Variants in SNX29 observed in about 807,000 individuals in gnomAD.
The protein encoded by SNX29 is sorting nexin 29, also known as sorting nexin-29.
In SNX29, 78 loss-of-function variants were observed where a neutral mutation model predicts 102.1. That is an observed-to-expected ratio of 0.76 (90% CI 0.64 to 0.92). The LOEUF (loss-of-function observed/expected upper bound fraction) is 0.92, where lower values mean the gene tolerates loss of function less well. Among genes scored for constraint, SNX29 ranks in the 40% least tolerant of loss-of-function variants. The probability of loss-of-function intolerance (pLI) is 0.00; values close to 1 mark genes in which losing one functional copy is unlikely to be tolerated. For synonymous variants in SNX29, 580 were observed against 414.5 expected (o/e 1.40, Z -4.85); for missense variants, 1,280 against 1,061.7 (o/e 1.21, Z -2.86).
intron 14 of SNX29, among the ~76,000 whole-genome samples, chr16:12,234,992 C>A (rs1297287112): frequency 6.6e-6 from 1 of 152,070 alleles, no homozygotes. Context: ...GTACTTTTCT[C>A]CCTCATTCCT....
intron 15 of SNX29, among the ~76,000 whole-genome samples, chr16:12,310,312 C>T (rs1406302322): frequency 6.6e-6 from 1 of 152,180 alleles, no homozygotes; most frequent in Non-Finnish European, 1.5e-5. Flanking sequence ...TCTCATTCCC[C>T]TCCTAGGTTT....
At chr16:12,126,403 G>A (rs940682121) in intron 11 of SNX29, among the ~76,000 whole-genome samples, 2 of 152,234 alleles carry the variant, frequency 1.3e-5, no homozygotes, top group African/African-American at 2.4e-5. Context: ...TAACTTGCCC[G>A]AGCTGCAGAG....
At chr16:12,071,139 A>G (rs912491647) in intron 10 of SNX29, among the ~76,000 whole-genome samples, 1 of 151,276 alleles carries the variant, frequency 6.6e-6, no homozygotes, top group Non-Finnish European at 1.5e-5. Context: ...CTCTGATGGT[A>G]GTTTCTTTTG....
chr16:12,398,853 C>G (rs951123257), intron 17 of SNX29, among the ~76,000 whole-genome samples: 3 of 144,754 alleles, frequency 2.1e-5, no homozygotes, highest in African/African-American at 8.0e-5. Flanking sequence ...CCCCTTTGCA[C>G]AGGGGCATGT....
At chr16:12,139,856 C>G (rs1440742175) in intron 13 of SNX29, among the ~76,000 whole-genome samples, 1 of 151,722 alleles carries the variant, frequency 6.6e-6, no homozygotes, top group African/African-American at 2.4e-5. Flanking sequence ...TGGTGCATGC[C>G]TGTGGTCCCA....
chr16:12,281,984 C>T (rs541270713), intron 15 of SNX29, among the ~76,000 whole-genome samples: 14 of 146,944 alleles, frequency 9.5e-5, no homozygotes, highest in African/African-American at 3.3e-4. Flanking sequence ...ACTTGGGAGG[C>T]TGAGGCAGAG....
intron 13 of SNX29, among the ~76,000 whole-genome samples, chr16:12,142,486 A>G (rs2054901623): frequency 6.6e-6 from 1 of 152,168 alleles, no homozygotes; most frequent in South Asian, 2.1e-4. Flanking sequence ...AAGAGGGAAT[A>G]TGGCTTAGGA....
At chr16:12,510,971 C>G (rs903942104) in intron 19 of SNX29, among the ~76,000 whole-genome samples, 1 of 151,894 alleles carries the variant, frequency 6.6e-6, no homozygotes, top group African/African-American at 2.4e-5. Flanking sequence ...AGCAAAAGCA[C>G]TCCCCCACAG....
intron 20 of SNX29, among the ~76,000 whole-genome samples, chr16:12,561,740 G>C (rs2078736495): frequency 6.6e-6 from 1 of 152,164 alleles, no homozygotes; most frequent in South Asian, 2.1e-4. Flanking sequence ...AGGGAGGATG[G>C]AGATGGAGTT....
At chr16:12,104,602 C>G (rs918950528) in intron 11 of SNX29, among the ~76,000 whole-genome samples, 1 of 151,760 alleles carries the variant, frequency 6.6e-6, no homozygotes, top group Non-Finnish European at 1.5e-5. Context: ...AACCAAGAAA[C>G]TTGTTGCCAC....
chr16:12,259,000 A>T (rs970448327), intron 14 of SNX29, among the ~76,000 whole-genome samples: 1 of 152,168 alleles, frequency 6.6e-6, no homozygotes, highest in Non-Finnish European at 1.5e-5. Context: ...ATCAGCAGAC[A>T]GAGAGCTGGA....
chr16:12,302,323 G>GT (rs992152900), intron 15 of SNX29, among the ~76,000 whole-genome samples: 4 of 152,202 alleles, frequency 2.6e-5, no homozygotes, highest in African/African-American at 9.6e-5. Flanking sequence ...ACACTTCTAT[G>GT]TTTTTTGCAC....
chr16:12,380,267 C>T (rs2083023939), intron 16 of SNX29, among the ~76,000 whole-genome samples: 1 of 150,436 alleles, frequency 6.6e-6, no homozygotes, highest in African/African-American at 2.5e-5. Flanking sequence ...AGGCCACTTA[C>T]CTGTCCAGAC....
intron 16 of SNX29, among the ~76,000 whole-genome samples, chr16:12,393,392 T>TCATGCATGCATGCATGCATGCATG (rs374651159): frequency 7.0e-6 from 1 of 141,910 alleles, no homozygotes; most frequent in East Asian, 2.6e-4. Context: ...ATTCATTCAT[T>TCATGCATGCATGCATGCATGCATG]CATGCATGCA....
chr16:12,572,004 T>G lies in SNX29; in HGVS notation c.*3375T>G. 12 of 1,062,168 alleles carry G rather than the reference T, an allele frequency of 1.1e-5. No homozygotes were observed. Among genetic ancestry groups the G allele is most frequent in the Non-Finnish European group, 1.3e-5 (11 of 877,320 alleles). The allele number at this position is 1,062,168 out of a possible 1,614,324, so 65.8% of individuals were successfully genotyped here. On this transcript the variant is annotated 3_prime_UTR_variant, in exon 21 of 21. Transcript: ENST00000566228. ...TTCACATCCAGTCACCAGTTGCATC[T>G]AGGGAGCTGCTGGCTATAAAAGGGA...
At chr16:12,187,339 C>T (rs1052273137) in intron 13 of SNX29, among the ~76,000 whole-genome samples, 2 of 152,178 alleles carry the variant, frequency 1.3e-5, no homozygotes, top group African/African-American at 4.8e-5. Context: ...GCGGGTAGAT[C>T]GTGTGAGGCC....
rs866368942 is a variant in SNX29, at chr16:12,413,595, C to T, written c.2037+10066C>T. ...AGTGACAGGGCCCTCGAGACAATGGCACCTCGGAAGCAACGAAGTGACGTG... is the reference window on the plus strand; with the variant it reads ...AGTGACAGGGCCCTCGAGACAATGGTACCTCGGAAGCAACGAAGTGACGTG... On this transcript the variant is annotated intron_variant, in intron 18 of 20. Coordinates refer to ENST00000566228, the MANE Select transcript of SNX29 (RefSeq NM_032167.5). Among the ~76,000 whole-genome samples the T allele has an allele frequency of 2.6e-5, 4 of 151,726 alleles. 1 individual carries two copies. Among genetic ancestry groups the T allele is most frequent in the Middle Eastern group, 6.3e-3 (2 of 316 alleles).
At chr16:12,315,283 G>A (rs1489093601) in intron 15 of SNX29, among the ~76,000 whole-genome samples, 1 of 152,136 alleles carries the variant, frequency 6.6e-6, no homozygotes, top group Non-Finnish European at 1.5e-5. Flanking sequence ...GCCTTGCTCC[G>A]GACCAGGGAT....
intron 13 of SNX29, among the ~76,000 whole-genome samples, chr16:12,168,782 G>A (rs1284504117): frequency 3.3e-5 from 5 of 152,152 alleles, no homozygotes; most frequent in African/African-American, 9.7e-5. Context: ...TTCTATCAAC[G>A]CATTCTGGTA....
Sources: gnomAD v4.1 joint callset for allele counts (sites outside exome capture counted in the v4.1 genomes callset) on GRCh38, gnomAD v4.1.1 for gene constraint, MANE v1.5 for transcripts, NCBI Gene and HGNC (gene_info 2026-07-23, HGNC 2026-07-21) for gene names.